TNRC6A: variants seen among roughly 807,000 people sequenced by gnomAD.
The protein encoded by TNRC6A is trinucleotide repeat-containing gene 6A protein.
Under a neutral mutation model 221.2 loss-of-function variants are expected in TNRC6A, and 44 were observed. The observed-to-expected ratio is 0.20, with a 90% CI of 0.16 to 0.26. The LOEUF is 0.26. TNRC6A is among the 10% of genes least tolerant of loss of function. The pLI, the probability that TNRC6A is intolerant of heterozygous loss-of-function variation, is 1.00. For synonymous variants in TNRC6A, 847 were observed against 838.5 expected (o/e 1.01, Z -0.18); for missense variants, 2,199 against 2,404.4 (o/e 0.91, Z 1.79).
intron 1 of TNRC6A, among the ~76,000 whole-genome samples, chr16:24,612,509 G>C (rs557990576): frequency 6.6e-6 from 1 of 151,904 alleles, no homozygotes; most frequent in Non-Finnish European, 1.5e-5. Flanking sequence ...CACTTTGTGG[G>C]GCCTAGGCGG....
intron 4 of TNRC6A, among the ~76,000 whole-genome samples, chr16:24,761,948 C>T (rs1325045737): frequency 1.3e-5 from 2 of 152,156 alleles, no homozygotes; most frequent in Non-Finnish European, 2.9e-5. Context: ...TTTCCTCTGT[C>T]TCTTCCCCTT....
At chr16:24,772,582 C>T (rs1032128715) in intron 4 of TNRC6A, among the ~76,000 whole-genome samples, 1 of 151,994 alleles carries the variant, frequency 6.6e-6, no homozygotes, top group South Asian at 2.1e-4. Context: ...ATCAGGAGTT[C>T]GAGACCAGCC....
chr16:24,750,032 C>T (rs2057101438), intron 2 of TNRC6A, among the ~76,000 whole-genome samples: 3 of 151,984 alleles, frequency 2.0e-5, no homozygotes, highest in African/African-American at 4.8e-5. Context: ...CCCGGCTACT[C>T]GGGAGGCTGA....
intron 3 of TNRC6A, among the ~76,000 whole-genome samples, chr16:24,756,579 A>C (rs2057256490): frequency 6.6e-6 from 1 of 152,214 alleles, no homozygotes. Context: ...GTTGTTTTAA[A>C]GCATCTTTTT....
intron 18 of TNRC6A, among the ~76,000 whole-genome samples, chr16:24,811,255 G>A (rs889060887): frequency 6.6e-6 from 1 of 152,172 alleles, no homozygotes; most frequent in Non-Finnish European, 1.5e-5. Flanking sequence ...AGTCTGATTT[G>A]TTAAGGGGAG....
chr16:24,760,039 A>T (rs1445089436), intron 4 of TNRC6A, among the ~76,000 whole-genome samples: 1 of 151,980 alleles, frequency 6.6e-6, no homozygotes, highest in Non-Finnish European at 1.5e-5. Flanking sequence ...CTTAGCTTTC[A>T]AGGCCCTCAT....
rs1052144181 is a variant in TNRC6A at position 24,820,427 on chromosome 16, G to A, written c.5302+67G>A. ...TAAACGCTAACCAGTACTAACAGTCGAGTTTAACAGAGACCTGAACGGTAA... is the reference window on the plus strand; with the variant it reads ...TAAACGCTAACCAGTACTAACAGTCAAGTTTAACAGAGACCTGAACGGTAA... On this transcript the variant is annotated intron_variant, in intron 22 of 24. Transcript: ENST00000395799. 9.0e-5 allele frequency: 126 copies of A among 1,395,464 alleles called. 1 individual carries two copies. Among genetic ancestry groups the A allele is most frequent in the Non-Finnish European group, 1.1e-4 (109 of 990,800 alleles). 86.4% of individuals were successfully genotyped at this position (1,395,464 alleles called of 1,614,324 possible).
At chr16:24,761,646 A>G (rs2057366302) in intron 4 of TNRC6A, among the ~76,000 whole-genome samples, 1 of 152,060 alleles carries the variant, frequency 6.6e-6, no homozygotes, top group Non-Finnish European at 1.5e-5. Context: ...TTTGGGCTCA[A>G]GCAATCCTCC....
chr16:24,649,790 T>A (rs982198918), intron 2 of TNRC6A, among the ~76,000 whole-genome samples: 1 of 140,084 alleles, frequency 7.1e-6, no homozygotes, highest in Non-Finnish European at 1.5e-5. Flanking sequence ...AATTTCCCCA[T>A]CCCCCAGCTT....
chr16:24,664,677 ATTAT>A (rs1411195732), intron 2 of TNRC6A, among the ~76,000 whole-genome samples: 2 of 140,082 alleles, frequency 1.4e-5, no homozygotes, highest in Non-Finnish European at 3.0e-5. Context: ...TTTATTATTT[ATTAT>A]TTATGTCTCC....
chr16:24,648,420 A>C (rs571967231), intron 2 of TNRC6A, among the ~76,000 whole-genome samples: 2 of 151,782 alleles, frequency 1.3e-5, no homozygotes, highest in South Asian at 2.1e-4. Flanking sequence ...ACAGGTGCCC[A>C]CCACCACGCC....
chr16:24,775,427 T>A (rs2057699054), intron 4 of TNRC6A, among the ~76,000 whole-genome samples: 1 of 152,058 alleles, frequency 6.6e-6, no homozygotes, highest in South Asian at 2.1e-4. Context: ...ATATATTATA[T>A]TAAAAAAGTA....
At chr16:24,730,062 G>T (rs1300225759) in intron 1 of TNRC6A, among the ~76,000 whole-genome samples, 191 bp from the exon 2 acceptor site, 1 of 149,154 alleles carries the variant, frequency 6.7e-6, no homozygotes, top group African/African-American at 2.4e-5. Flanking sequence ...CCGGGGTTGC[G>T]CCTCGCCCGC....
chr16:24,679,451 A>G (rs12933561), intron 2 of TNRC6A, among the ~76,000 whole-genome samples: 36,836 of 151,836 alleles, frequency 0.24, 4,918 homozygotes, highest in Non-Finnish European at 0.32. Flanking sequence ...CTACAGGCAC[A>G]TACCACCATA....
chr16:24,667,652 C>T (rs868476026), intron 2 of TNRC6A, among the ~76,000 whole-genome samples: 1 of 152,148 alleles, frequency 6.6e-6, no homozygotes, highest in Non-Finnish European at 1.5e-5. Context: ...GTATTACCTA[C>T]CCCCCAGTTG....
intron 1 of TNRC6A, among the ~76,000 whole-genome samples, chr16:24,637,340 G>A (rs1302795692): frequency 6.6e-6 from 1 of 152,106 alleles, no homozygotes; most frequent in African/African-American, 2.4e-5. Flanking sequence ...GCCTGTTGCA[G>A]TTCTTGACCC....
Position 24,823,364 on chromosome 16 carries a change from C to T in TNRC6A, c.5514-68C>T, listed in dbSNP as rs2058807027. On this transcript the variant is annotated intron_variant, in intron 24 of 24. Coordinates refer to ENST00000395799, the MANE Select transcript of TNRC6A (RefSeq NM_014494.4). This position sits in a 1 kb window ranked among gnomAD's most constrained non-coding sequence, Gnocchi z 4.3. Reference sequence around the variant, plus strand: ...TTCTAGCAGAGACAAGTTGCACCCTCACTTGTGAGTGAATGAAGCCCTCCT... The same window carrying T: ...TTCTAGCAGAGACAAGTTGCACCCTTACTTGTGAGTGAATGAAGCCCTCCT... 2 of 1,528,174 alleles carry T rather than the reference C, an allele frequency of 1.3e-6. No individual in the cohort carries two copies. The highest frequency in any genetic ancestry group is 2.3e-5 in the East Asian group (1 of 44,142). The allele number at this position is 1,528,174 out of a possible 1,614,324, so 94.7% of individuals were successfully genotyped here. A position where few individuals can be genotyped will look rare whatever the true frequency, so the allele number is the denominator to read the frequency against.
intron 2 of TNRC6A, among the ~76,000 whole-genome samples, chr16:24,750,344 G>A (rs1167200795): frequency 6.6e-6 from 1 of 152,152 alleles, no homozygotes; most frequent in Non-Finnish European, 1.5e-5. Flanking sequence ...TTGTGGGGAG[G>A]TCTCAGGCAT....
At chr16:24,793,247 A>G (rs1323592187) in intron 6 of TNRC6A, 5 of 325,914 alleles carry the variant, frequency 1.5e-5, no homozygotes, top group Non-Finnish European at 2.8e-5. Flanking sequence ...TCTAGAGGGT[A>G]ATTATGAAAA....
Sources: allele counts gnomAD v4.1 joint callset (sites outside exome capture counted in the v4.1 genomes callset), GRCh38; gene constraint gnomAD v4.1.1; non-coding constraint Gnocchi (gnomAD v3.1); transcripts MANE v1.5; gene names NCBI Gene and HGNC (gene_info 2026-07-23, HGNC 2026-07-21).